Variants in EXOC1 observed in about 807,000 individuals in gnomAD.
EXOC1 encodes SEC3-like 1.
A neutral mutation model predicts 107.7 loss-of-function variants in EXOC1; 67 were observed. The observed-to-expected ratio is 0.62, with a 90% confidence interval of 0.51 to 0.76. EXOC1 has a LOEUF of 0.76. Ranked by LOEUF, EXOC1 falls within the 30% of genes least tolerant of loss-of-function variation. EXOC1 has a pLI of 0.00. For synonymous variants in EXOC1, 348 were observed against 353.5 expected, an observed-to-expected ratio of 0.98 and a Z score of 0.17; for missense variants, 833 against 1,055.7, an observed-to-expected ratio of 0.79 and a Z score of 2.92.
At chr4:55,869,546 G>A (rs533904256) in intron 5 of EXOC1, among the ~76,000 whole-genome samples, 1 of 152,182 alleles carries the variant, frequency 6.6e-6, no homozygotes, top group African/African-American at 2.4e-5. Flanking sequence ...AGGTACAGAA[G>A]TTATGGGGTC....
At chr4:55,904,317 C>G (rs775178417) in intron 18 of EXOC1, 26 bp from the exon 19 acceptor site, 2 of 1,565,530 alleles carry the variant, frequency 1.3e-6, no homozygotes, top group Admixed American at 1.9e-5. Context: ...CATTCATAGC[C>G]TAATGACTTT....
chr4:55,903,379 ATTGT>A (rs1726225255), intron 18 of EXOC1, among the ~76,000 whole-genome samples: 2 of 152,134 alleles, frequency 1.3e-5, no homozygotes, highest in Admixed American at 1.3e-4. Context: ...GGGATATTGC[ATTGT>A]TTGTTTTAAC....
chr4:55,864,423 A>G, intron 4 of EXOC1, 37 bp downstream of exon 4: 3 of 1,507,470 alleles, frequency 2.0e-6, no homozygotes, highest in Non-Finnish European at 2.7e-6. Context: ...AAAATCAATT[A>G]TATCTTTAAG....
At chr4:55,869,528 T>C (rs977972076) in intron 5 of EXOC1, among the ~76,000 whole-genome samples, 3 of 152,220 alleles carry the variant, frequency 2.0e-5, no homozygotes, top group Non-Finnish European at 2.9e-5. Flanking sequence ...TAGTGTTGTA[T>C]ACATGAAAGG....
chr4:55,873,921 TAAG>T (rs1477018780), intron 8 of EXOC1, among the ~76,000 whole-genome samples: 10 of 152,164 alleles, frequency 6.6e-5, no homozygotes, highest in African/African-American at 2.4e-4. Context: ...CTACCATATA[TAAG>T]AATAAGCAAT....
intron 9 of EXOC1, among the ~76,000 whole-genome samples, chr4:55,878,909 TAAGAACCTA>T (rs1455134802): frequency 6.6e-6 from 1 of 152,090 alleles, no homozygotes; most frequent in Non-Finnish European, 1.5e-5. Context: ...GAAATTTAAT[TAAGAACCTA>T]AAGTAATAAT....
intron 5 of EXOC1, among the ~76,000 whole-genome samples, chr4:55,869,685 C>G (rs1722255077): frequency 6.6e-6 from 1 of 152,144 alleles, no homozygotes; most frequent in Admixed American, 6.5e-5. Flanking sequence ...AACCCCAGCT[C>G]TGTTACTTAA....
chr4:55,893,619 A>G lies in EXOC1; in HGVS notation c.1792A>G (p.Ile598Val). 1 of 1,614,082 alleles carries G rather than the reference A, an allele frequency of 6.2e-7. No individual in the cohort carries two copies. The highest frequency in any genetic ancestry group is 1.1e-5 in the South Asian group (1 of 91,084). The change falls in exon 15 of 19, where the codon ATT (isoleucine) becomes GTT (valine). Residue 598 changes from isoleucine to valine, a missense_variant. Coordinates refer to ENST00000381295, the MANE Select transcript of EXOC1 (RefSeq NM_001024924.2). ...RCIEPELNNL[I>V]ALGDKIDSFN... Reference sequence around the variant, plus strand: ...CATTGAGCCAGAGCTGAACAACCTAATTGCATTAGGAGACAAAATTGATAG... The same window carrying G: ...CATTGAGCCAGAGCTGAACAACCTAGTTGCATTAGGAGACAAAATTGATAG...
At chr4:55,854,243 A>G (rs1397479324) in intron 1 of EXOC1, among the ~76,000 whole-genome samples, 1 of 126,002 alleles carries the variant, frequency 7.9e-6, no homozygotes, top group Non-Finnish European at 1.6e-5. Flanking sequence ...TTGCACAGTT[A>G]TATCTTCTAG....
intron 8 of EXOC1, among the ~76,000 whole-genome samples, chr4:55,875,038 T>C (rs1722764828): frequency 6.6e-6 from 1 of 152,182 alleles, no homozygotes. Context: ...AGCAACATGA[T>C]GAGACTGATT....
At chr4:55,894,820 C>T (rs1318846510) in intron 15 of EXOC1, among the ~76,000 whole-genome samples, 1 of 151,906 alleles carries the variant, frequency 6.6e-6, no homozygotes, top group Non-Finnish European at 1.5e-5. Context: ...TGGGGTTTCT[C>T]CATGTTGGTC....
At chr4:55,866,754 C>T (rs1460877047) in intron 4 of EXOC1, 2 of 483,004 alleles carry the variant, frequency 4.1e-6, no homozygotes, top group Non-Finnish European at 5.4e-6. Flanking sequence ...TGAACTTTAA[C>T]ATGAAGTTCA....
intron 4 of EXOC1, among the ~76,000 whole-genome samples, chr4:55,864,624 C>T (rs187893556): frequency 2.6e-5 from 4 of 152,122 alleles, no homozygotes; most frequent in African/African-American, 4.8e-5. Flanking sequence ...GTTAGATATT[C>T]GTCTAGTCTT....
At position 55,876,979 on chromosome 4, in the gene EXOC1, C is replaced by T. The variant is rs984067667; in HGVS notation, c.1075-938C>T. The stretch of plus-strand genomic sequence containing the variant: ...TCTTTCTTTCTCAGTTACCAAGGAA[C>T]TCCTCATTTCCTCTAGGCCAGAAAT... On this transcript the variant is annotated intron_variant, in intron 8 of 18. Transcript: ENST00000381295. The T allele has an allele frequency of 2.1e-5, 21 of 985,238 alleles. No individual in the cohort carries two copies. The African/African-American group carries it at 3.3e-4, about 16-fold the overall frequency. 61.0% of individuals were successfully genotyped at this position (985,238 alleles called of 1,614,324 possible).
intron 3 of EXOC1, among the ~76,000 whole-genome samples, chr4:55,862,313 T>C (rs2110316480): frequency 6.7e-6 from 1 of 149,130 alleles, no homozygotes; most frequent in South Asian, 2.1e-4. Flanking sequence ...ACTTGCTTAA[T>C]GGATTTTTTT....
chr4:55,891,979 A>G (rs1267846015), intron 13 of EXOC1, among the ~76,000 whole-genome samples: 1 of 152,190 alleles, frequency 6.6e-6, no homozygotes, highest in Admixed American at 6.5e-5. Flanking sequence ...GCATACATAT[A>G]AGAGAATAAG....
intron 15 of EXOC1, among the ~76,000 whole-genome samples, chr4:55,894,258 G>C (rs992302111): frequency 6.6e-6 from 1 of 151,524 alleles, no homozygotes; most frequent in African/African-American, 2.4e-5. Context: ...CTGTGAAGTG[G>C]AGGTTGCAGT....
intron 4 of EXOC1, 47 bp from the exon 5 acceptor site, chr4:55,868,289 T>C: frequency 2.0e-6 from 3 of 1,524,308 alleles, no homozygotes; most frequent in Non-Finnish European, 2.7e-6. Context: ...TGTTATAGTC[T>C]TTTCTACTTT....
intron 8 of EXOC1, chr4:55,877,673 G>T: frequency 1.0e-6 from 1 of 985,376 alleles, no homozygotes; most frequent in Non-Finnish European, 1.2e-6. Context: ...ATGGGTAGTT[G>T]ATTTATCAGA....
Sources: gnomAD v4.1 joint callset for allele counts (sites outside exome capture counted in the v4.1 genomes callset) on GRCh38, gnomAD v4.1.1 for gene constraint, MANE v1.5 for transcripts, NCBI Gene and HGNC (gene_info 2026-07-23, HGNC 2026-07-21) for gene names.